The following IFT57 variants were observed in gnomAD, a reference collection of about 807,000 sequenced individuals.
The protein encoded by IFT57 is intraflagellar transport 57, also known as intraflagellar transport protein 57 homolog.
IFT57 carries 59 observed loss-of-function variants against 56.8 expected under a neutral mutation model. The ratio of observed to expected loss-of-function variants is 1.04; its 90% CI spans 0.84 to 1.29. IFT57 has a LOEUF of 1.29. IFT57 is among the 50% of genes most tolerant of loss of function. IFT57 has a pLI of 0.00. For synonymous variants in IFT57, 209 were observed against 186.1 expected (o/e 1.12, Z -1.00); for missense variants, 470 against 522.1 (o/e 0.90, Z 0.97).
intron 6 of IFT57, among the ~76,000 whole-genome samples, chr3:108,174,527 GAGATAAAT>G (rs2080113523): frequency 6.6e-6 from 1 of 151,326 alleles, no homozygotes; most frequent in Non-Finnish European, 1.5e-5. Context: ...AAGGTTTGGA[GAGATAAAT>G]AGATATTGTC....
intron 6 of IFT57, among the ~76,000 whole-genome samples, chr3:108,183,646 A>C (rs72620101): frequency 0.095 from 14,452 of 152,236 alleles, 1,471 homozygotes; most frequent in East Asian, 0.53. Flanking sequence ...TTTGCCAAAC[A>C]CACATGACGG....
intron 3 of IFT57, chr3:108,218,276 TCA>T (rs1369494195): frequency 4.3e-6 from 1 of 230,796 alleles, no homozygotes; most frequent in Non-Finnish European, 8.4e-6. Flanking sequence ...AGATATGTAG[TCA>T]CAGTTAAACC....
chr3:108,167,912 C>A, intron 6 of IFT57, 48 bp from the exon 7 acceptor site: 1 of 1,368,548 alleles, frequency 7.3e-7, no homozygotes, highest in Non-Finnish European at 1.0e-6. Context: ...ACTACATTTC[C>A]ATCTTTCCCT....
At chr3:108,208,617 T>C (rs941836401) in intron 4 of IFT57, among the ~76,000 whole-genome samples, 1 of 152,196 alleles carries the variant, frequency 6.6e-6, no homozygotes, top group African/African-American at 2.4e-5. Flanking sequence ...AGTAGCCCAC[T>C]AGCAAAATTC....
rs559889782 is a variant in IFT57, at chr3:108,219,459, T to C, written c.326A>G (p.Asp109Gly). Residue 109 changes from aspartate to glycine, a missense_variant, in exon 2 of 11, where the codon GAT becomes GGT. Physicochemically the swap from Asp to Gly is moderately conservative, Grantham distance 94. Transcript: ENST00000264538. Reference protein sequence around the residue: ...GRPFEQPQEYDDPNATISNIL... With the variant: ...GRPFEQPQEYGDPNATISNIL... ...GTTAGATATTGTTGCATTAGGGTCA[T>C]CATATTCTTGAGGCTGCTCAAAGGG... The C allele has an allele frequency of 1.9e-6, 3 of 1,613,874 alleles. No individual in the cohort carries two copies. Among genetic ancestry groups the C allele is most frequent in the South Asian group, 1.1e-5 (1 of 91,078 alleles).
Position 108,215,663 on chromosome 3 carries a change from G to T in IFT57, c.495-1642C>A, listed in dbSNP as rs147393738. 5.5e-3 allele frequency among the ~76,000 whole-genome samples: 842 copies of T among 152,118 alleles called. 2 individuals carry two copies. Among genetic ancestry groups the T allele is most frequent in the Middle Eastern group, 0.031 (9 of 294 alleles). On this transcript the variant is annotated intron_variant, in intron 3 of 10. Transcript: ENST00000264538. Reference sequence around the variant, plus strand: ...AAATTTCCTAATTTTTCATTAATTAGAATTCGAAAATATCTCAAAGGCAAT... The same window carrying T: ...AAATTTCCTAATTTTTCATTAATTATAATTCGAAAATATCTCAAAGGCAAT...
chr3:108,204,060 A>C (rs1187148677), intron 5 of IFT57, among the ~76,000 whole-genome samples: 1 of 152,230 alleles, frequency 6.6e-6, no homozygotes, highest in Non-Finnish European at 1.5e-5. Flanking sequence ...AAAATCTTAA[A>C]TCTATGATAC....
rs757688137 is a variant in IFT57, at chr3:108,213,996, C to G, written c.520G>C (p.Glu174Gln). ...TCATCTTCTGCAACGCTTTCTTCTT[C>G]TAATTCTTCTACTGGGTATATTGGC... ...KRPIYPVEEL[E>Q]EESVAEDDAE... The change falls in exon 4 of 11, where the codon GAA becomes CAA. Residue 174 changes from glutamate (E) to glutamine (Q), a missense_variant. Physicochemically the swap from Glu to Gln is conservative, Grantham distance 29. Coordinates refer to ENST00000264538, the MANE Select transcript of IFT57 (RefSeq NM_018010.4). 1.9e-6 allele frequency: 3 copies of G among 1,603,948 alleles called. No individual in the cohort carries two copies. Among genetic ancestry groups the G allele is most frequent in the Middle Eastern group, 1.7e-4 (1 of 6,038 alleles).
At chr3:108,170,668 C>A (rs1438674937) in intron 6 of IFT57, among the ~76,000 whole-genome samples, 8 of 145,038 alleles carry the variant, frequency 5.5e-5, no homozygotes, top group East Asian at 2.0e-4. Context: ...CATGTGGAAC[C>A]AAAAAAAAAA....
chr3:108,209,335 T>G (rs1403911715), intron 4 of IFT57, among the ~76,000 whole-genome samples: 1 of 152,324 alleles, frequency 6.6e-6, no homozygotes, highest in East Asian at 1.9e-4. Flanking sequence ...TTATCTCCTC[T>G]TGTGGAGAAG....
chr3:108,196,717 G>A (rs561226053), intron 5 of IFT57, among the ~76,000 whole-genome samples: 55 of 152,210 alleles, frequency 3.6e-4, no homozygotes, highest in African/African-American at 1.2e-3. Flanking sequence ...TAGGGGAAAT[G>A]GCCCAGTTGC....
chr3:108,182,821 T>C (rs551547853), intron 6 of IFT57, among the ~76,000 whole-genome samples: 11 of 152,264 alleles, frequency 7.2e-5, no homozygotes, highest in African/African-American at 2.4e-4. Flanking sequence ...ACATAATTAT[T>C]AATACTAGAG....
chr3:108,206,018 A>C (rs1458251780), intron 5 of IFT57, among the ~76,000 whole-genome samples: 2 of 104,890 alleles, frequency 1.9e-5, no homozygotes, highest in Non-Finnish European at 4.0e-5. Flanking sequence ...ACTTATATAT[A>C]ATATATTGTA....
intron 6 of IFT57, 114 bp from the exon 7 acceptor site, chr3:108,167,978 G>A (rs1044807422): frequency 3.8e-5 from 23 of 600,802 alleles, no homozygotes; most frequent in Non-Finnish European, 6.3e-5. Flanking sequence ...ATTTCAGGTG[G>A]GATAGCCCTA....
rs144484757 is a variant in IFT57 at position 108,168,932 on chromosome 3, G to T, written c.778-1068C>A. Among the ~76,000 whole-genome samples, 719 of 152,078 alleles carry T rather than the reference G, an allele frequency of 4.7e-3. 4 individuals are homozygous for T. Among genetic ancestry groups the T allele is most frequent in the African/African-American group, 0.016 (682 of 41,498 alleles). ...GGATTGGTTCCAAGTCTTTGCTATT[G>T]TAAATAGTGCTGCAATAAACATATG... On this transcript the variant is annotated intron_variant, in intron 6 of 10. Coordinates refer to ENST00000264538, the MANE Select transcript of IFT57 (RefSeq NM_018010.4).
chr3:108,210,047 T>C (rs1049667059), intron 4 of IFT57, among the ~76,000 whole-genome samples: 5 of 152,288 alleles, frequency 3.3e-5, no homozygotes, highest in Middle Eastern at 3.4e-3. Context: ...GTAAACAGGC[T>C]TAGAAAATTG....
intron 3 of IFT57, among the ~76,000 whole-genome samples, chr3:108,214,352 A>G (rs2080359248): frequency 6.6e-6 from 1 of 152,160 alleles, no homozygotes; most frequent in Non-Finnish European, 1.5e-5. Flanking sequence ...CAATACCATA[A>G]TTAATGTAAT....
chr3:108,166,231 T>G (rs898305405), intron 8 of IFT57, among the ~76,000 whole-genome samples: 1 of 152,080 alleles, frequency 6.6e-6, no homozygotes, highest in Non-Finnish European at 1.5e-5. Context: ...CTTACTAGCC[T>G]TCTTTAACAT....
chr3:108,186,303 T>C (rs953302002), intron 6 of IFT57, among the ~76,000 whole-genome samples: 1 of 133,844 alleles, frequency 7.5e-6, no homozygotes, highest in Non-Finnish European at 1.5e-5. Flanking sequence ...GAAATCATGA[T>C]AGAGACTGTG....
Sources: allele counts gnomAD v4.1 joint callset (sites outside exome capture counted in the v4.1 genomes callset), GRCh38; gene constraint gnomAD v4.1.1; transcripts MANE v1.5; gene names NCBI Gene and HGNC (gene_info 2026-07-23, HGNC 2026-07-21).